The following DNMT3B variants were observed in gnomAD, a reference collection of about 807,000 sequenced individuals.
DNMT3B encodes the protein DNA methyltransferase 3 beta, also known as DNA (cytosine-5)-methyltransferase 3B.
In DNMT3B, 37 loss-of-function variants were observed where a neutral mutation model predicts 120.2. That is an observed-to-expected ratio of 0.31 (90% confidence interval 0.24 to 0.40). DNMT3B has a LOEUF of 0.40. Among genes scored for constraint, DNMT3B ranks in the 10% least tolerant of loss-of-function variants. The pLI, the probability that DNMT3B is intolerant of heterozygous loss-of-function variation, is 1.00. For synonymous variants in DNMT3B, 412 were observed against 442.8 expected, an observed-to-expected ratio of 0.93 and a Z score of 0.87; for missense variants, 878 against 1,137.3, an observed-to-expected ratio of 0.77 and a Z score of 3.28.
chr20:32,777,048 C>T (rs1015532107), intron 1 of DNMT3B, among the ~76,000 whole-genome samples: 3 of 152,156 alleles, frequency 2.0e-5, no homozygotes, highest in African/African-American at 4.8e-5. Context: ...TAGTTAATTT[C>T]ACTACAAACG....
rs777071671 is a variant in DNMT3B at position 32,808,726 on chromosome 20, C to T, written c.*823C>T. 18 of 229,938 alleles carry T rather than the reference C, an allele frequency of 7.8e-5. No homozygotes were observed. The highest frequency in any genetic ancestry group is 1.8e-4 in the African/African-American group (8 of 45,142). 14.2% of individuals were successfully genotyped at this position (229,938 alleles called of 1,614,324 possible). Reference sequence around the variant, plus strand: ...TATATTTTGTAGACAAGTATGGCTCCTCCATATCTCCCTCTTCCCTAGGAG... The same window carrying T: ...TATATTTTGTAGACAAGTATGGCTCTTCCATATCTCCCTCTTCCCTAGGAG... On this transcript the variant is annotated 3_prime_UTR_variant, in exon 23 of 23. Coordinates refer to ENST00000328111, the MANE Select transcript of DNMT3B (RefSeq NM_006892.4).
At position 32,764,725 on chromosome 20, in the gene DNMT3B, G is replaced by C. The variant is rs1259780750; in HGVS notation, c.-7+2026G>C. On this transcript the variant is annotated intron_variant, in intron 1 of 22. Coordinates refer to ENST00000328111, the MANE Select transcript of DNMT3B (RefSeq NM_006892.4). ...TTACCTTTTCCCATTGGGGTGGAGA[G>C]TGCTGAGACAAAGGGACAAGGACTG... 2.0e-5 allele frequency among the ~76,000 whole-genome samples: 3 copies of C among 152,338 alleles called. No homozygotes were observed. In the East Asian group the frequency reaches 5.8e-4, roughly 29 times the overall value.
At chr20:32,791,847 C>A in intron 8 of DNMT3B, 139 bp downstream of exon 8, 1 of 862,182 alleles carries the variant, frequency 1.2e-6, no homozygotes, top group Non-Finnish European at 1.9e-6. Flanking sequence ...GACAACATAA[C>A]ATGATGGCCA....
rs745594445 is a variant in DNMT3B, at chr20:32,793,583, T to C, written c.1114T>C (p.Ser372Pro). 1.9e-6 allele frequency: 3 copies of C among 1,614,168 alleles called. No individual in the cohort carries two copies. In the Admixed American group the frequency reaches 5.0e-5, roughly 27 times the overall value. The change falls in exon 10 of 23, where the codon TCA (serine) becomes CCA (proline). Residue 372 changes from serine (S) to proline (P), a missense_variant. Ser to Pro is a moderately conservative substitution (Grantham distance 74). Around this residue, in one of 4 missense-constraint regions of DNMT3B, gnomAD observed 207 missense variants for 222.6 expected, o/e 0.93. Coordinates refer to ENST00000328111, the MANE Select transcript of DNMT3B (RefSeq NM_006892.4). ...VRRAGSRKLE[S>P]RKYENKTRRR... ...TCGTGCAGGCAGTAGGAAATTAGAATCAAGGAAATACGGTATTTCCTTCCT... is the reference window on the plus strand; with the variant it reads ...TCGTGCAGGCAGTAGGAAATTAGAACCAAGGAAATACGGTATTTCCTTCCT...
At position 32,762,659 on chromosome 20, in the gene DNMT3B, G is replaced by T. The variant is rs1183647361; in HGVS notation, c.-47G>T. 2.7e-5 allele frequency: 6 copies of T among 223,836 alleles called. No homozygotes were observed. Among genetic ancestry groups the T allele is most frequent in the Non-Finnish European group, 5.4e-5 (6 of 111,758 alleles). The allele number at this position is 223,836 out of a possible 1,614,324, so 13.9% of individuals were successfully genotyped here. ...CTCCCGCCAGCCAGCCCCGACCCGC[G>T]GCTCCGCCGCCCAGCCGCGCCCCAG... is the stretch of plus-strand genomic sequence containing the variant. On this transcript the variant is annotated 5_prime_UTR_variant, in exon 1 of 23. Transcript: ENST00000328111.
chr20:32,793,739 A>C (rs1980269085), intron 10 of DNMT3B, 144 bp downstream of exon 10: 1 of 913,812 alleles, frequency 1.1e-6, no homozygotes, highest in East Asian at 2.6e-5. Context: ...CTCACATCCC[A>C]CCCTCACAAA....
intron 14 of DNMT3B, among the ~76,000 whole-genome samples, chr20:32,797,868 C>T (rs1404543471): frequency 1.3e-5 from 2 of 152,156 alleles, no homozygotes; most frequent in African/African-American, 4.8e-5. Context: ...CCATGTTGAC[C>T]AGGCTTGTCT....
rs1030343599 is a variant in DNMT3B, at chr20:32,808,585, C to T, written c.*682C>T. ...ATCATCACATTCAGGGCTATTTTTT[C>T]CCCCACAAACCCAAGGGCAGGGGCC... On this transcript the variant is annotated 3_prime_UTR_variant, in exon 23 of 23. Transcript: ENST00000328111. The T allele has an allele frequency of 4.3e-6, 1 of 231,572 alleles. No homozygotes were observed. The highest frequency in any genetic ancestry group is 6.2e-5 in the East Asian group (1 of 16,182). The allele number at this position is 231,572 out of a possible 1,614,324, so 14.3% of individuals were successfully genotyped here.
chr20:32,786,927 A>C (rs544352007), intron 5 of DNMT3B, among the ~76,000 whole-genome samples: 23 of 152,138 alleles, frequency 1.5e-4, no homozygotes, highest in Non-Finnish European at 2.8e-4. Context: ...CTTCTCCCTC[A>C]TGTCTTCTTC....
chr20:32,781,977 C>G (rs549784273), intron 3 of DNMT3B, among the ~76,000 whole-genome samples: 1 of 152,204 alleles, frequency 6.6e-6, no homozygotes, highest in East Asian at 1.9e-4. Context: ...TCAGTTATGC[C>G]AAAGAGAAGC....
intron 1 of DNMT3B, among the ~76,000 whole-genome samples, chr20:32,765,243 G>A (rs1331419837): frequency 1.3e-5 from 2 of 152,120 alleles, no homozygotes; most frequent in East Asian, 1.9e-4. Context: ...GGCTGGTGAA[G>A]TATGGAATTC....
chr20:32,807,814 G>A lies in DNMT3B; in HGVS notation c.2473G>A (p.Ala825Thr), dbSNP rs1366734818. 2 of 1,614,072 alleles carry A rather than the reference G, an allele frequency of 1.2e-6. No individual in the cohort carries two copies. Among genetic ancestry groups the A allele is most frequent in the Non-Finnish European group, 1.7e-6 (2 of 1,180,036 alleles). Residue 825 changes from alanine to threonine, a missense_variant, in exon 23 of 23, where the codon GCC becomes ACC. Ala to Thr is a moderately conservative substitution (Grantham distance 58). Transcript: ENST00000328111. ...AGACGTGTCCAACATGGGCCGTGGT[G>A]CCCGCCAGAAGCTGCTGGGAAGGTC... The part of the protein sequence containing the change: ...YTDVSNMGRG[A>T]RQKLLGRSWS...
At chr20:32,780,161 TG>T in intron 1 of DNMT3B, 156 bp from the exon 2 acceptor site, 1 of 1,613,332 alleles carries the variant, frequency 6.2e-7, no homozygotes, top group Non-Finnish European at 8.5e-7. Context: ...GGGGAGGCTA[TG>T]GGGGGCAGCC....
intron 1 of DNMT3B, among the ~76,000 whole-genome samples, chr20:32,777,256 T>C (rs1988112401): frequency 6.6e-6 from 1 of 152,038 alleles, no homozygotes; most frequent in Admixed American, 6.6e-5. Flanking sequence ...TTTTCCTGAA[T>C]GTTGAGATAT....
At chr20:32,788,755 G>A in intron 6 of DNMT3B, 99 bp from the exon 7 acceptor site, 1 of 1,495,500 alleles carries the variant, frequency 6.7e-7, no homozygotes, top group South Asian at 1.1e-5. Context: ...TGCATTTTAT[G>A]GCAAGCTTTT....
chr20:32,767,235 G>A (rs1462008357), intron 1 of DNMT3B, among the ~76,000 whole-genome samples: 1 of 152,028 alleles, frequency 6.6e-6, no homozygotes, highest in African/African-American at 2.4e-5. Context: ...TTGTTTTATG[G>A]GTACAACATC....
chr20:32,795,036 A>C (rs1980438865), intron 10 of DNMT3B, among the ~76,000 whole-genome samples: 1 of 152,194 alleles, frequency 6.6e-6, no homozygotes, highest in African/African-American at 2.4e-5. Context: ...TGCAGAATTC[A>C]TTTCCTCAAC....
Position 32,805,391 on chromosome 20 carries a change from A to G in DNMT3B, c.2285A>G (p.Tyr762Cys). The change falls in exon 21 of 23, where the codon TAC becomes TGC. Residue 762 changes from tyrosine to cysteine, a missense_variant. Transcript: ENST00000328111. ...DKLELQDCLEYNRIAKLKKVQ... is the reference protein window; with the variant it reads ...DKLELQDCLECNRIAKLKKVQ... ...CTCGAGCTGCAGGACTGCTTGGAAT[A>G]CAATAGGATAGCCAAGGTAAGACGA... The G allele has an allele frequency of 6.2e-7, 1 of 1,614,110 alleles. No individual in the cohort carries two copies. Among genetic ancestry groups the G allele is most frequent in the Non-Finnish European group, 8.5e-7 (1 of 1,180,010 alleles).
intron 1 of DNMT3B, among the ~76,000 whole-genome samples, chr20:32,765,440 T>TGA (rs1987268506): frequency 6.7e-6 from 1 of 149,040 alleles, no homozygotes; most frequent in African/African-American, 2.5e-5. Flanking sequence ...TTTTTTTTTT[T>TGA]GAGACAGTTT....
Sources: gnomAD v4.1 joint callset for allele counts (sites outside exome capture counted in the v4.1 genomes callset) on GRCh38, gnomAD v4.1.1 for gene constraint, gnomAD v4.1.1 regional missense constraint, MANE v1.5 for transcripts, NCBI Gene and HGNC (gene_info 2026-07-23, HGNC 2026-07-21) for gene names.